EZR: variants seen among roughly 807,000 people sequenced by gnomAD.
The protein encoded by EZR is cytovillin 2.
A neutral mutation model predicts 74.8 loss-of-function variants in EZR; 40 were observed. That is an observed-to-expected ratio of 0.53 (90% CI 0.42 to 0.70). The LOEUF (loss-of-function observed/expected upper bound fraction) is 0.70. Ranked by LOEUF, EZR falls within the 30% of genes least tolerant of loss-of-function variation. The pLI is 0.00. For synonymous variants in EZR, 341 were observed against 283.3 expected (o/e 1.20, Z -2.05); for missense variants, 678 against 755.8 (o/e 0.90, Z 1.21).
rs56041297 is a variant in EZR at position 158,807,314 on chromosome 6, C to CAA, written c.12+10766_12+10767dup. ...TGGGCGACAGACAGAGACTCCGTCT[C>CAA]AAAAAAAAAAAAAAAAAACAAACAA... On this transcript the variant is annotated intron_variant, in intron 2 of 13. Coordinates refer to ENST00000367075, the MANE Select transcript of EZR (RefSeq NM_001111077.2). Among the ~76,000 whole-genome samples the CAA allele has an allele frequency of 9.6e-4, 131 of 136,266 alleles. 1 individual carries two copies. In the East Asian group the frequency reaches 0.027, roughly 29 times the overall value. The allele number at this position is 136,266 out of a possible 152,430, so 89.4% of individuals were successfully genotyped here. A position where few individuals can be genotyped will look rare whatever the true frequency, so the allele number is the denominator to read the frequency against.
chr6:158,779,720 C>T (rs139183146), intron 7 of EZR, among the ~76,000 whole-genome samples: 80 of 152,202 alleles, frequency 5.3e-4, no homozygotes, highest in African/African-American at 1.9e-3. Context: ...TGCACCACCA[C>T]GCCCAGCTAA....
chr6:158,789,152 C>T (rs1791664757), intron 3 of EZR, 136 bp downstream of exon 3: 1 of 646,382 alleles, frequency 1.5e-6, no homozygotes, highest in Non-Finnish European at 2.7e-6. Flanking sequence ...AATACTTTCA[C>T]CTTTTAAAAG....
At chr6:158,811,875 C>CAAAAAAA (rs58499377) in intron 2 of EZR, among the ~76,000 whole-genome samples, 3 of 140,768 alleles carry the variant, frequency 2.1e-5, no homozygotes, top group South Asian at 2.3e-4. Flanking sequence ...ACCCTGTTTC[C>CAAAAAAA]AAAAAAAAAA....
At chr6:158,798,515 T>C (rs1462545738) in intron 2 of EZR, among the ~76,000 whole-genome samples, 1 of 152,052 alleles carries the variant, frequency 6.6e-6, no homozygotes, top group Non-Finnish European at 1.5e-5. Flanking sequence ...TAGCCCTCAC[T>C]GCTTCTGGGC....
At chr6:158,803,624 TACATATACATAC>T (rs1562504678) in intron 2 of EZR, among the ~76,000 whole-genome samples, 6 of 30,912 alleles carry the variant, frequency 1.9e-4, no homozygotes, top group African/African-American at 3.3e-4. Context: ...TATATATATA[TACATATACATAC>T]ATATATATAT....
In EZR at chr6:158,767,447, G is replaced by A. The variant is rs971059408; in HGVS notation, c.1410C>T (p.Pro470=). The change falls in exon 13 of 14, where the codon CCC becomes CCT. Residue 470 remains proline, a synonymous_variant. Coordinates refer to ENST00000367075, the MANE Select transcript of EZR (RefSeq NM_001111077.2). ...CGTACACGGGGGGTGGTGGGGGCGG[G>A]GGTGCTGTCATCACCAGGTGCAGCT... ...KEELHLVMTA[P]PPPPPPVYEP... The A allele has an allele frequency of 6.2e-7, 1 of 1,612,960 alleles. No individual in the cohort carries two copies. Among genetic ancestry groups the A allele is most frequent in the Non-Finnish European group, 8.5e-7 (1 of 1,179,232 alleles).
chr6:158,767,448 G>T lies in EZR; in HGVS notation c.1409C>A (p.Pro470His). The T allele has an allele frequency of 6.2e-7, 1 of 1,612,702 alleles. No individual in the cohort carries two copies. The highest frequency in any genetic ancestry group is 8.5e-7 in the Non-Finnish European group (1 of 1,179,082). The stretch of plus-strand genomic sequence containing the variant: ...GTACACGGGGGGTGGTGGGGGCGGG[G>T]GTGCTGTCATCACCAGGTGCAGCTC... ...KEELHLVMTA[P>H]PPPPPPVYEP... The change falls in exon 13 of 14, where the codon CCC becomes CAC. Residue 470 changes from proline to histidine, a missense_variant. Physicochemically the swap from Pro to His is moderately conservative, Grantham distance 77. Around this residue, in one of 3 missense-constraint regions of EZR, gnomAD observed 342 missense variants for 341.2 expected, o/e 1.00. Coordinates refer to ENST00000367075, the MANE Select transcript of EZR (RefSeq NM_001111077.2).
chr6:158,769,865 C>T lies in EZR; in HGVS notation c.1170G>A (p.Glu390=), dbSNP rs1227033155. 1.2e-6 allele frequency: 2 copies of T among 1,613,894 alleles called. No individual in the cohort carries two copies. Among genetic ancestry groups the T allele is most frequent in the Non-Finnish European group, 1.7e-6 (2 of 1,180,038 alleles). ...CCCGCAGTGCAGCCATACGGTCAGC[C>T]TCTAGGCGCTCGGCCTCCTCCTGTG... The part of the protein sequence containing the change: ...KRAQEEAERL[E]ADRMAALRAK... The change falls in exon 11 of 14, where the codon GAG becomes GAA. Residue 390 remains glutamate, a synonymous_variant. Coordinates refer to ENST00000367075, the MANE Select transcript of EZR (RefSeq NM_001111077.2).
chr6:158,765,909 G>C lies in EZR; in HGVS notation c.*1005C>G, dbSNP rs1426694308. 3.3e-5 allele frequency: 4 copies of C among 119,576 alleles called. No individual in the cohort carries two copies. The highest frequency in any genetic ancestry group is 2.3e-4 in the Admixed American group (3 of 13,134). 7.4% of individuals were successfully genotyped at this position (119,576 alleles called of 1,614,324 possible). A position where few individuals can be genotyped will look rare whatever the true frequency, so the allele number is the denominator to read the frequency against. The stretch of plus-strand genomic sequence containing the variant: ...CAGCCTGCCAAGGCCATGGCAGAGA[G>C]AGACTGCAAACAAACAAACACAAGC... On this transcript the variant is annotated 3_prime_UTR_variant, in exon 14 of 14. Coordinates refer to ENST00000367075, the MANE Select transcript of EZR (RefSeq NM_001111077.2).
At chr6:158,795,179 G>A (rs1002655683) in intron 2 of EZR, among the ~76,000 whole-genome samples, 1 of 152,154 alleles carries the variant, frequency 6.6e-6, no homozygotes, top group Admixed American at 6.5e-5. Flanking sequence ...TTGAACCTGG[G>A]AGGCGGAGGT....
intron 2 of EZR, among the ~76,000 whole-genome samples, chr6:158,803,582 C>A (rs6935794): frequency 2.5e-4 from 11 of 43,620 alleles, no homozygotes; most frequent in Non-Finnish European, 4.0e-4. Context: ...TATATATATA[C>A]ATATATATAT....
chr6:158,809,104 C>T (rs1322851418), intron 2 of EZR, among the ~76,000 whole-genome samples: 1 of 152,130 alleles, frequency 6.6e-6, no homozygotes, highest in African/African-American at 2.4e-5. Context: ...CTCAAAAACA[C>T]AAAAACAACA....
intron 2 of EZR, among the ~76,000 whole-genome samples, chr6:158,791,482 C>T (rs971146037): frequency 7.2e-5 from 11 of 152,044 alleles, no homozygotes; most frequent in Admixed American, 1.3e-4. Flanking sequence ...ATAACAAATG[C>T]AGCTCCAGCT....
rs1009890335 is a variant in EZR at position 158,766,601 on chromosome 6, G to C, written c.*313C>G. The C allele has an allele frequency of 6.3e-6, 2 of 319,022 alleles. No homozygotes were observed. The highest frequency in any genetic ancestry group is 9.3e-5 in the Admixed American group (2 of 21,572). The allele number at this position is 319,022 out of a possible 1,614,324, so 19.8% of individuals were successfully genotyped here. On this transcript the variant is annotated 3_prime_UTR_variant, in exon 14 of 14. Coordinates refer to ENST00000367075, the MANE Select transcript of EZR (RefSeq NM_001111077.2). ...TGATGCTGACTCTTGTATCACACAG[G>C]CCAGCATGAAGTTTCTTACTCAGAC... is the stretch of plus-strand genomic sequence containing the variant.
chr6:158,785,649 G>A, intron 4 of EZR, 66 bp from the exon 5 acceptor site: 1 of 1,585,452 alleles, frequency 6.3e-7, no homozygotes, highest in Non-Finnish European at 8.6e-7. Flanking sequence ...CCCCAACACA[G>A]GCTTCTAACC....
chr6:158,809,862 T>C (rs2128576597), intron 2 of EZR, among the ~76,000 whole-genome samples: 1 of 152,314 alleles, frequency 6.6e-6, no homozygotes, highest in South Asian at 2.1e-4. Flanking sequence ...TTCAAAAATA[T>C]AAAAACCATT....
intron 2 of EZR, among the ~76,000 whole-genome samples, chr6:158,813,143 G>A (rs1777482570): frequency 6.6e-6 from 1 of 152,130 alleles, no homozygotes; most frequent in South Asian, 2.1e-4. Context: ...TTCCTCTCTA[G>A]CCACATTGGG....
intron 2 of EZR, among the ~76,000 whole-genome samples, chr6:158,817,193 A>G (rs1777576374): frequency 6.6e-6 from 1 of 152,338 alleles, no homozygotes; most frequent in African/African-American, 2.4e-5. Flanking sequence ...ATGAATCCTG[A>G]TATTTTGTCC....
intron 7 of EZR, among the ~76,000 whole-genome samples, chr6:158,783,081 C>T (rs762515555): frequency 5.3e-5 from 8 of 152,294 alleles, no homozygotes; most frequent in Middle Eastern, 6.8e-3. Context: ...CACGTACAGG[C>T]TATTGTTTAC....
Sources: allele counts gnomAD v4.1 joint callset (sites outside exome capture counted in the v4.1 genomes callset), GRCh38; gene constraint gnomAD v4.1.1; regional missense constraint gnomAD v4.1.1; transcripts MANE v1.5; gene names NCBI Gene and HGNC (gene_info 2026-07-23, HGNC 2026-07-21).